FRMD4A: variants seen among roughly 807,000 people sequenced by gnomAD.
FRMD4A encodes FERM domain-containing protein 4A.
FRMD4A carries 29 observed loss-of-function variants against 129.1 expected under a neutral mutation model. The ratio of observed to expected loss-of-function variants is 0.22; its 90% confidence interval spans 0.17 to 0.31. The LOEUF (loss-of-function observed/expected upper bound fraction) is 0.31. Ranked by LOEUF, FRMD4A falls within the 10% of genes least tolerant of loss-of-function variation. FRMD4A has a pLI of 1.00. For missense variants in FRMD4A, 1,272 were observed against 1,375.8 expected, an observed-to-expected ratio of 0.92 and a Z score of 1.19; for synonymous variants, 634 against 571.6, an observed-to-expected ratio of 1.11 and a Z score of -1.56.
intron 2 of FRMD4A, among the ~76,000 whole-genome samples, chr10:14,037,602 G>A (rs1324334078): frequency 2.0e-5 from 3 of 152,156 alleles, no homozygotes; most frequent in East Asian, 1.9e-4. Flanking sequence ...ATCTGTCAAT[G>A]TATCTCTAAG....
intron 15 of FRMD4A, among the ~76,000 whole-genome samples, chr10:13,680,077 C>T (rs552679728): frequency 6.6e-6 from 1 of 152,218 alleles, no homozygotes; most frequent in East Asian, 1.9e-4. Flanking sequence ...ACTCTCACTG[C>T]CTGCCTTGAT....
At position 14,285,026 on chromosome 10, in the gene FRMD4A, C is replaced by T. The variant is rs574083438; in HGVS notation, c.45+45032G>A. ...ATACGAAGAAAGTATACAGCCTTTGCTTATTTAATGAAGGAACACTTTCAA... is the reference window on the plus strand; with the variant it reads ...ATACGAAGAAAGTATACAGCCTTTGTTTATTTAATGAAGGAACACTTTCAA... On this transcript the variant is annotated intron_variant, in intron 2 of 24. Coordinates refer to ENST00000357447, the MANE Select transcript of FRMD4A (RefSeq NM_018027.5). 2.6e-4 allele frequency among the ~76,000 whole-genome samples: 39 copies of T among 152,280 alleles called. No homozygotes were observed. The South Asian group carries it at 7.7e-3, about 30-fold the overall frequency.
chr10:13,989,361 TTTTTC>T (rs2095595088), intron 2 of FRMD4A, among the ~76,000 whole-genome samples: 1 of 152,172 alleles, frequency 6.6e-6, no homozygotes, highest in African/African-American at 2.4e-5. Flanking sequence ...AATTGATTTT[TTTTTC>T]TTTTTTTTGA....
chr10:13,656,955 C>A lies in FRMD4A; in HGVS notation c.2634G>T (p.Leu878=). ...KTSNSYTAGG[L]FKESWRGGGG... ...CGCCGCCGCGCCAGCTCTCCTTGAA[C>A]AGGCCGCCCGCCGTGTAGGAGTTGG... Residue 878 remains leucine, a synonymous_variant, in exon 22 of 25, where the codon CTG becomes CTT. Transcript: ENST00000357447. 1 of 1,534,930 alleles carries A rather than the reference C, an allele frequency of 6.5e-7. No individual in the cohort carries two copies. Among genetic ancestry groups the A allele is most frequent in the Non-Finnish European group, 8.7e-7 (1 of 1,148,144 alleles).
chr10:14,201,364 A>T (rs145888933), intron 2 of FRMD4A, among the ~76,000 whole-genome samples: 1 of 152,264 alleles, frequency 6.6e-6, no homozygotes, highest in East Asian at 1.9e-4. Flanking sequence ...CGTCGGTTCC[A>T]TCTCCTGACT....
chr10:13,983,274 C>T (rs1012609785), intron 2 of FRMD4A, among the ~76,000 whole-genome samples: 6 of 152,164 alleles, frequency 3.9e-5, no homozygotes, highest in Non-Finnish European at 7.3e-5. Context: ...AGTCCTCTTC[C>T]TCATTTGCAA....
At chr10:14,195,392 T>C (rs1003808099) in intron 2 of FRMD4A, among the ~76,000 whole-genome samples, 4 of 151,696 alleles carry the variant, frequency 2.6e-5, no homozygotes, top group African/African-American at 9.7e-5. Context: ...TATATCTTTC[T>C]GACAAAAGTA....
In FRMD4A at chr10:14,164,146, G is replaced by A. The variant is rs1464806796; in HGVS notation, c.45+165912C>T. ...CAACCATGGCTTTGAAAGCCCAGCA[G>A]CGACATAGCTGGTATATGTGGTCTG... On this transcript the variant is annotated intron_variant, in intron 2 of 24. Transcript: ENST00000357447. Among the ~76,000 whole-genome samples, 4 of 152,236 alleles carry A rather than the reference G, an allele frequency of 2.6e-5. No individual in the cohort carries two copies. In the East Asian group the frequency reaches 5.8e-4, roughly 22 times the overall value.
At chr10:13,708,812 C>T (rs12415988) in intron 12 of FRMD4A, among the ~76,000 whole-genome samples, 36,754 of 152,062 alleles carry the variant, frequency 0.24, 4,833 homozygotes, top group African/African-American at 0.33. Flanking sequence ...ATATATTCAG[C>T]GACATTCCAC....
intron 2 of FRMD4A, among the ~76,000 whole-genome samples, chr10:14,151,295 TGTG>T (rs2131855018): frequency 6.6e-6 from 1 of 152,272 alleles, no homozygotes; most frequent in Non-Finnish European, 1.5e-5. Context: ...ATAAGGAAAA[TGTG>T]GTACATGTAC....
At chr10:13,798,051 G>A (rs1310672108) in intron 4 of FRMD4A, among the ~76,000 whole-genome samples, 1 of 152,078 alleles carries the variant, frequency 6.6e-6, no homozygotes, top group African/African-American at 2.4e-5. Context: ...TCTCCAGTTG[G>A]ATAAAAAAAT....
At chr10:14,138,791 A>C (rs1192942772) in intron 2 of FRMD4A, among the ~76,000 whole-genome samples, 1 of 152,080 alleles carries the variant, frequency 6.6e-6, no homozygotes, top group African/African-American at 2.4e-5. Context: ...AAGAACAGAA[A>C]ATTGGGGGCC....
intron 2 of FRMD4A, among the ~76,000 whole-genome samples, chr10:14,191,233 T>G (rs1842307196): frequency 6.6e-6 from 1 of 152,240 alleles, no homozygotes; most frequent in South Asian, 2.1e-4. Flanking sequence ...AGCCATTGGC[T>G]TCTTTAACTC....
At chr10:14,239,302 A>T (rs1402222064) in intron 2 of FRMD4A, among the ~76,000 whole-genome samples, 1 of 152,214 alleles carries the variant, frequency 6.6e-6, no homozygotes, top group Non-Finnish European at 1.5e-5. Flanking sequence ...TGATAAAAAC[A>T]AAAAGTTTTG....
At chr10:14,128,045 CCTCTTTCTTTCTT>C (rs1839005138) in intron 2 of FRMD4A, among the ~76,000 whole-genome samples, 51 of 75,564 alleles carry the variant, frequency 6.7e-4, no homozygotes, top group African/African-American at 2.5e-3. Context: ...CCTTTCTTTC[CCTCTTTCTTTCTT>C]TCTTTCTTTC....
chr10:14,018,540 C>T (rs1247931032), intron 2 of FRMD4A, among the ~76,000 whole-genome samples: 2 of 151,124 alleles, frequency 1.3e-5, no homozygotes, highest in African/African-American at 2.4e-5. Flanking sequence ...AGATCTCATT[C>T]CATGAGCAAG....
chr10:13,953,124 G>C (rs2095385077), intron 2 of FRMD4A, among the ~76,000 whole-genome samples: 1 of 152,188 alleles, frequency 6.6e-6, no homozygotes, highest in African/African-American at 2.4e-5. Context: ...CATATGGGAA[G>C]TACTCAAAGG....
intron 5 of FRMD4A, among the ~76,000 whole-genome samples, chr10:13,787,400 G>A (rs1291861487): frequency 1.3e-5 from 2 of 152,196 alleles, no homozygotes; most frequent in South Asian, 2.1e-4. Flanking sequence ...TGGCACCAGG[G>A]ACAAGAGCCT....
intron 3 of FRMD4A, among the ~76,000 whole-genome samples, chr10:13,823,253 G>C (rs989077897): frequency 2.0e-5 from 3 of 152,154 alleles, no homozygotes; most frequent in Non-Finnish European, 4.4e-5. Context: ...ATCCCCGGGG[G>C]ACTCTGGGAG....
Sources: allele counts gnomAD v4.1 joint callset (sites outside exome capture counted in the v4.1 genomes callset), GRCh38; gene constraint gnomAD v4.1.1; transcripts MANE v1.5; gene names NCBI Gene and HGNC (gene_info 2026-07-23, HGNC 2026-07-21).